Variants in SDK1 observed in about 807,000 individuals in gnomAD.
SDK1 encodes sidekick cell adhesion molecule 1, also known as protein sidekick-1.
SDK1 carries 157 observed loss-of-function variants against 245.5 expected under a neutral mutation model. The ratio of observed to expected loss-of-function variants is 0.64; its 90% confidence interval spans 0.56 to 0.73. The LOEUF is 0.73. Ranked by LOEUF, SDK1 falls within the 30% of genes least tolerant of loss-of-function variation. The probability of loss-of-function intolerance (pLI) is 0.00; values close to 1 mark genes in which losing one functional copy is unlikely to be tolerated. For synonymous variants in SDK1, 1,647 were observed against 1,278.5 expected, an observed-to-expected ratio of 1.29 and a Z score of -6.15; for missense variants, 3,583 against 3,002.3, an observed-to-expected ratio of 1.19 and a Z score of -4.52.
chr7:3,505,902 C>T (rs1782377139), intron 1 of SDK1, among the ~76,000 whole-genome samples: 1 of 152,116 alleles, frequency 6.6e-6, no homozygotes, highest in African/African-American at 2.4e-5. Flanking sequence ...GCTTTTATTT[C>T]TTCCTTCCTG....
chr7:3,836,424 C>A (rs949067199), intron 5 of SDK1, among the ~76,000 whole-genome samples: 6 of 152,136 alleles, frequency 3.9e-5, no homozygotes, highest in South Asian at 2.1e-4. Flanking sequence ...TTCATTAATT[C>A]ATTGACTCAA....
Position 3,642,034 on chromosome 7 carries a change from C to G in SDK1, c.642C>G (p.Pro214=), listed in dbSNP as rs1187489842. ...QGRAAILNLL[P]ITSYPRPQVT... ...GTGCAGCGATTCTAAACCTGCTGCC[C>G]ATCACCAGCTACCCCAGACCTCAAG... The change falls in exon 4 of 45, where the codon CCC becomes CCG. Residue 214 remains proline, a synonymous_variant. Coordinates refer to ENST00000404826, the MANE Select transcript of SDK1 (RefSeq NM_152744.4). 2 of 1,613,752 alleles carry G rather than the reference C, an allele frequency of 1.2e-6. No homozygotes were observed. Among genetic ancestry groups the G allele is most frequent in the Non-Finnish European group, 1.7e-6 (2 of 1,179,762 alleles).
chr7:4,121,262 T>C (rs1299331899), intron 25 of SDK1, among the ~76,000 whole-genome samples: 2 of 152,164 alleles, frequency 1.3e-5, no homozygotes, highest in Non-Finnish European at 2.9e-5. Context: ...CCTAGCTGAT[T>C]GTAGCATGTA....
intron 4 of SDK1, among the ~76,000 whole-genome samples, chr7:3,674,507 A>G (rs1050106736): frequency 2.0e-5 from 3 of 152,082 alleles, no homozygotes; most frequent in Admixed American, 6.5e-5. Context: ...CAGAAAGCAC[A>G]ATGGAAGTGG....
intron 1 of SDK1, among the ~76,000 whole-genome samples, chr7:3,559,146 C>A (rs542181096): frequency 6.6e-6 from 1 of 151,944 alleles, no homozygotes; most frequent in African/African-American, 2.4e-5. Context: ...GCTGAACTTA[C>A]GATATATAGA....
intron 1 of SDK1, among the ~76,000 whole-genome samples, chr7:3,461,549 A>C (rs1444512911): frequency 6.6e-6 from 1 of 152,176 alleles, no homozygotes; most frequent in African/African-American, 2.4e-5. Flanking sequence ...GTGAGGGCCG[A>C]ATTCAAGTAT....
intron 1 of SDK1, among the ~76,000 whole-genome samples, chr7:3,367,905 C>T (rs2128562449): frequency 6.6e-6 from 1 of 152,234 alleles, no homozygotes; most frequent in African/African-American, 2.4e-5. Flanking sequence ...TCTTTAGAAA[C>T]TTAGAATAAA....
intron 1 of SDK1, among the ~76,000 whole-genome samples, chr7:3,421,571 G>C (rs1779537287): frequency 6.6e-6 from 1 of 152,042 alleles, no homozygotes; most frequent in Admixed American, 6.5e-5. Context: ...TTTCAGTATT[G>C]AGCTGCTATC....
chr7:3,314,038 A>T (rs1293734300), intron 1 of SDK1, among the ~76,000 whole-genome samples: 1 of 152,218 alleles, frequency 6.6e-6, no homozygotes, highest in Admixed American at 6.5e-5. Flanking sequence ...CAGAGAGCTT[A>T]TAGTTTATTA....
At chr7:3,555,309 G>A (rs1334973539) in intron 1 of SDK1, among the ~76,000 whole-genome samples, 1 of 152,098 alleles carries the variant, frequency 6.6e-6, no homozygotes, top group Non-Finnish European at 1.5e-5. Context: ...TTTGACAAAG[G>A]TGCCAAGAAT....
chr7:4,115,338 C>G (rs571561833), intron 25 of SDK1, among the ~76,000 whole-genome samples: 1 of 152,148 alleles, frequency 6.6e-6, no homozygotes, highest in Non-Finnish European at 1.5e-5. Flanking sequence ...AATTCCTGAC[C>G]TTTGTCCAGA....
intron 1 of SDK1, among the ~76,000 whole-genome samples, chr7:3,473,250 C>G (rs1009364811): frequency 6.6e-6 from 1 of 152,208 alleles, no homozygotes; most frequent in East Asian, 1.9e-4. Flanking sequence ...AAGCCTTTCA[C>G]TGTACACACT....
rs563693976 is a variant in SDK1, at chr7:3,684,250, T to TA, written c.713+42147dup. On this transcript the variant is annotated intron_variant, in intron 4 of 44. Coordinates refer to ENST00000404826, the MANE Select transcript of SDK1 (RefSeq NM_152744.4). The stretch of plus-strand genomic sequence containing the variant: ...GAGAGAAGCTGTGCAAGTTAACTAT[T>TA]AAGCATCACCCCACACACCCTTTCA... Among the ~76,000 whole-genome samples, 600 of 152,290 alleles carry TA rather than the reference T, an allele frequency of 3.9e-3. 7 individuals are homozygous for TA. Among genetic ancestry groups the TA allele is most frequent in the African/African-American group, 0.013 (559 of 41,562 alleles).
chr7:4,231,416 T>A (rs1345813542), intron 40 of SDK1, among the ~76,000 whole-genome samples: 3 of 150,022 alleles, frequency 2.0e-5, no homozygotes, highest in African/African-American at 7.4e-5. Flanking sequence ...AAAAAAAAAA[T>A]TAACAACTTA....
chr7:4,268,229 G>A lies in SDK1; in HGVS notation c.*2845G>A. The A allele has an allele frequency of 1.0e-6, 1 of 990,792 alleles. No homozygotes were observed. The highest frequency in any genetic ancestry group is 1.2e-6 in the Non-Finnish European group (1 of 833,180). 61.4% of individuals were successfully genotyped at this position (990,792 alleles called of 1,614,324 possible). A position where few individuals can be genotyped will look rare whatever the true frequency, so the allele number is the denominator to read the frequency against. On this transcript the variant is annotated 3_prime_UTR_variant, in exon 45 of 45. Transcript: ENST00000404826. ...TGCTTCGGCCCCACCCTGCAAGGAT[G>A]TGGTCACGGAGTGGCCAGGAGGCTC...
chr7:3,394,533 C>A (rs557917922), intron 1 of SDK1, among the ~76,000 whole-genome samples: 2 of 151,606 alleles, frequency 1.3e-5, no homozygotes, highest in Non-Finnish European at 2.9e-5. Context: ...CATTTTAGGA[C>A]CTGCTTATCA....
At chr7:4,146,275 C>T (rs772593110) in intron 29 of SDK1, among the ~76,000 whole-genome samples, 30 of 143,894 alleles carry the variant, frequency 2.1e-4, no homozygotes, top group Non-Finnish European at 1.5e-4. Flanking sequence ...CAGCCTCACA[C>T]CTGCTCTCTC....
rs575595048 is a variant in SDK1, at chr7:3,812,376, A to T, written c.714-9074A>T. Among the ~76,000 whole-genome samples, 7 of 152,324 alleles carry T rather than the reference A, an allele frequency of 4.6e-5. No individual in the cohort carries two copies. The East Asian group carries it at 1.3e-3, about 29-fold the overall frequency. On this transcript the variant is annotated intron_variant, in intron 4 of 44. Coordinates refer to ENST00000404826, the MANE Select transcript of SDK1 (RefSeq NM_152744.4). ...TGCAGGGAAAACAAAGGTGTATCTG[A>T]ACGTATTTCAAATCCAAAGGATTTT...
intron 1 of SDK1, among the ~76,000 whole-genome samples, chr7:3,463,754 G>A (rs1007149752): frequency 6.6e-6 from 1 of 152,116 alleles, no homozygotes; most frequent in African/African-American, 2.4e-5. Context: ...TTGAATGCTG[G>A]TCTCTCCATA....
Sources: gnomAD v4.1 joint callset for allele counts (sites outside exome capture counted in the v4.1 genomes callset) on GRCh38, gnomAD v4.1.1 for gene constraint, MANE v1.5 for transcripts, NCBI Gene and HGNC (gene_info 2026-07-23, HGNC 2026-07-21) for gene names.